Variants in UNC5D observed in about 807,000 individuals in gnomAD.
UNC5D encodes unc-5 netrin receptor D.
A neutral mutation model predicts 105.4 loss-of-function variants in UNC5D; 39 were observed. The ratio of observed to expected loss-of-function variants is 0.37; its 90% CI spans 0.29 to 0.48. The LOEUF (loss-of-function observed/expected upper bound fraction) is 0.48. UNC5D is among the 20% of genes least tolerant of loss of function. The pLI is 0.98. For synonymous variants in UNC5D, 452 were observed against 450.4 expected (o/e 1.00, Z -0.04); for missense variants, 991 against 1,202.4 (o/e 0.82, Z 2.60).
At chr8:35,392,072 CTGAAA>C (rs1328967305) in intron 1 of UNC5D, among the ~76,000 whole-genome samples, 3 of 152,124 alleles carry the variant, frequency 2.0e-5, no homozygotes, top group Non-Finnish European at 4.4e-5. Flanking sequence ...GGTAAGAAGT[CTGAAA>C]TGGATTTCAC....
At chr8:35,624,999 T>C (rs1389711621) in intron 4 of UNC5D, among the ~76,000 whole-genome samples, 1 of 152,238 alleles carries the variant, frequency 6.6e-6, no homozygotes, top group African/African-American at 2.4e-5. Context: ...TGAACATGCA[T>C]ATGTGTGTGC....
chr8:35,383,868 C>A (rs1585716204), intron 1 of UNC5D, among the ~76,000 whole-genome samples: 1 of 151,988 alleles, frequency 6.6e-6, no homozygotes, highest in South Asian at 2.1e-4. Context: ...TGCTTCAGCC[C>A]CGGAATTTGG....
chr8:35,774,232 AAATG>A (rs1802135504), intron 15 of UNC5D, 63 bp from the exon 16 acceptor site: 12 of 1,576,544 alleles, frequency 7.6e-6, no homozygotes, highest in Non-Finnish European at 9.5e-6. Flanking sequence ...TTTTCTTAAA[AAATG>A]AAAGTGTTGG....
intron 1 of UNC5D, among the ~76,000 whole-genome samples, chr8:35,369,509 G>A (rs1585685425): frequency 6.6e-6 from 1 of 152,180 alleles, no homozygotes; most frequent in South Asian, 2.1e-4. Flanking sequence ...GCCTCTGTCA[G>A]AGAAAGCCTG....
rs1288321491 is a variant in UNC5D at position 35,794,322 on chromosome 8, G to C, written c.*3759G>C. ...AGGTCACAGGAATCGTGAAGGAGCT[G>C]AGAAATCTTCCTCTCCGGCCCACTG... On this transcript the variant is annotated 3_prime_UTR_variant, in exon 17 of 17. Coordinates refer to ENST00000404895, the MANE Select transcript of UNC5D (RefSeq NM_080872.4). 6.6e-6 allele frequency: 1 copy of C among 152,174 alleles called. No homozygotes were observed. The highest frequency in any genetic ancestry group is 1.5e-5 in the Non-Finnish European group (1 of 68,040). The allele number at this position is 152,174 out of a possible 1,614,324, so 9.4% of individuals were successfully genotyped here. A position where few individuals can be genotyped will look rare whatever the true frequency, so the allele number is the denominator to read the frequency against.
intron 1 of UNC5D, among the ~76,000 whole-genome samples, chr8:35,342,308 C>T (rs761610218): frequency 1.3e-5 from 2 of 152,044 alleles, no homozygotes; most frequent in Non-Finnish European, 2.9e-5. Flanking sequence ...CATTCCTATT[C>T]GTCATATGGG....
chr8:35,661,769 G>A (rs1824119794), intron 4 of UNC5D, among the ~76,000 whole-genome samples: 1 of 152,098 alleles, frequency 6.6e-6, no homozygotes, highest in Admixed American at 6.6e-5. Flanking sequence ...ACCATCCTCA[G>A]TCACAGGTGA....
intron 1 of UNC5D, among the ~76,000 whole-genome samples, chr8:35,247,045 C>T (rs1171988838): frequency 6.6e-6 from 1 of 151,966 alleles, no homozygotes; most frequent in Non-Finnish European, 1.5e-5. Context: ...TTTTAGAGGT[C>T]ATTTCCGTCC....
At chr8:35,555,702 T>C (rs1816487968) in intron 2 of UNC5D, among the ~76,000 whole-genome samples, 2 of 151,850 alleles carry the variant, frequency 1.3e-5, no homozygotes, top group South Asian at 4.1e-4. Flanking sequence ...GGCGCACACC[T>C]GTAGTCCCAG....
chr8:35,435,153 T>C (rs1466469555), intron 1 of UNC5D, among the ~76,000 whole-genome samples: 1 of 152,166 alleles, frequency 6.6e-6, no homozygotes, highest in Non-Finnish European at 1.5e-5. Context: ...TCAAAATTAC[T>C]GTATCTATTT....
In UNC5D at chr8:35,576,831, T is replaced by C. The variant is rs1215379128; in HGVS notation, c.466+8590T>C. ...GGTTTCACTATGTTATCCAGGATGG[T>C]CTCGATCTCCTGACCTCGTGATCCT... is the stretch of plus-strand genomic sequence containing the variant. On this transcript the variant is annotated intron_variant, in intron 3 of 16. Transcript: ENST00000404895. 7.9e-5 allele frequency among the ~76,000 whole-genome samples: 12 copies of C among 152,150 alleles called. No individual in the cohort carries two copies. In the East Asian group the frequency reaches 2.3e-3, roughly 29 times the overall value.
chr8:35,506,847 C>A (rs1397256289), intron 1 of UNC5D, among the ~76,000 whole-genome samples: 1 of 152,070 alleles, frequency 6.6e-6, no homozygotes, highest in Non-Finnish European at 1.5e-5. Flanking sequence ...GTGGGACAGA[C>A]GTGGCTTGGT....
intron 1 of UNC5D, among the ~76,000 whole-genome samples, chr8:35,262,690 C>T (rs1181228572): frequency 6.6e-6 from 1 of 152,150 alleles, no homozygotes; most frequent in Admixed American, 6.5e-5. Flanking sequence ...CCAAAATGTC[C>T]TGTTTCCAGG....
At chr8:35,784,824 C>CA (rs146531478) in intron 16 of UNC5D, among the ~76,000 whole-genome samples, 5,403 of 151,976 alleles carry the variant, frequency 0.036, 319 homozygotes, top group African/African-American at 0.12. Context: ...AATGACACTG[C>CA]AAAAAATAAA....
intron 1 of UNC5D, among the ~76,000 whole-genome samples, chr8:35,425,890 G>A (rs967062519): frequency 6.6e-5 from 10 of 152,210 alleles, no homozygotes; most frequent in Non-Finnish European, 1.3e-4. Flanking sequence ...TCAGACTGGC[G>A]TTTAACCATT....
chr8:35,628,946 T>C (rs1821860410), intron 4 of UNC5D, among the ~76,000 whole-genome samples: 1 of 152,182 alleles, frequency 6.6e-6, no homozygotes, highest in African/African-American at 2.4e-5. Flanking sequence ...ATGAGCAAAA[T>C]CAATCTCAAA....
intron 1 of UNC5D, among the ~76,000 whole-genome samples, chr8:35,460,805 C>T (rs1318845831): frequency 6.6e-6 from 1 of 152,128 alleles, no homozygotes; most frequent in African/African-American, 2.4e-5. Flanking sequence ...GGCATATGCC[C>T]TTCAGGCTAA....
intron 1 of UNC5D, among the ~76,000 whole-genome samples, chr8:35,262,726 T>C (rs1023853886): frequency 1.3e-5 from 2 of 152,200 alleles, no homozygotes; most frequent in African/African-American, 2.4e-5. Context: ...GGAGACTTCA[T>C]TTCTCAGCAA....
At chr8:35,470,807 T>TAAAAA (rs11402474) in intron 1 of UNC5D, among the ~76,000 whole-genome samples, 2 of 130,506 alleles carry the variant, frequency 1.5e-5, no homozygotes, top group South Asian at 2.6e-4. Flanking sequence ...AATAAATAAA[T>TAAAAA]AAATAAAATA....
Sources: gnomAD v4.1 joint callset for allele counts (sites outside exome capture counted in the v4.1 genomes callset) on GRCh38, gnomAD v4.1.1 for gene constraint, MANE v1.5 for transcripts, NCBI Gene and HGNC (gene_info 2026-07-23, HGNC 2026-07-21) for gene names.